LAMA2: variants seen among roughly 807,000 people sequenced by gnomAD.
The protein encoded by LAMA2 is laminin subunit alpha-2.
A neutral mutation model predicts 364.8 loss-of-function variants in LAMA2; 269 were observed. That is an observed-to-expected ratio of 0.74 (90% CI 0.67 to 0.82). LAMA2 has a LOEUF of 0.82. Among genes scored for constraint, LAMA2 ranks in the 40% least tolerant of loss-of-function variants. The pLI is 0.00. For synonymous variants in LAMA2, 1,379 were observed against 1,370.6 expected (o/e 1.01, Z -0.14); for missense variants, 3,807 against 3,873.2 (o/e 0.98, Z 0.45).
intron 31 of LAMA2, among the ~76,000 whole-genome samples, chr6:129,350,521 C>G (rs1006292206): frequency 1.3e-5 from 2 of 152,176 alleles, no homozygotes; most frequent in Non-Finnish European, 2.9e-5. Flanking sequence ...TCTTTGGCCC[C>G]TAAGTGGAAC....
At chr6:129,406,920 T>A (rs1469305036) in intron 40 of LAMA2, among the ~76,000 whole-genome samples, 1 of 152,166 alleles carries the variant, frequency 6.6e-6, no homozygotes, top group Non-Finnish European at 1.5e-5. Flanking sequence ...GCCTTCAGTC[T>A]GTGGTTAAAG....
At chr6:128,923,208 A>G (rs1170933019) in intron 1 of LAMA2, among the ~76,000 whole-genome samples, 1 of 150,142 alleles carries the variant, frequency 6.7e-6, no homozygotes, top group African/African-American at 2.5e-5. Flanking sequence ...TTTTGGTTCC[A>G]TATGAACTTT....
At chr6:129,194,068 G>T (rs989742347) in intron 12 of LAMA2, among the ~76,000 whole-genome samples, 2 of 152,014 alleles carry the variant, frequency 1.3e-5, no homozygotes, top group African/African-American at 4.8e-5. Context: ...ACTTTTATTT[G>T]CAAGGCCCTT....
At chr6:129,444,207 C>T (rs1225384058) in intron 44 of LAMA2, among the ~76,000 whole-genome samples, 1 of 152,128 alleles carries the variant, frequency 6.6e-6, no homozygotes, top group Non-Finnish European at 1.5e-5. Context: ...GAGGAACTTC[C>T]AAGTTCCATT....
intron 12 of LAMA2, among the ~76,000 whole-genome samples, chr6:129,237,110 T>C (rs975336260): frequency 1.3e-5 from 2 of 152,160 alleles, no homozygotes; most frequent in Non-Finnish European, 2.9e-5. Flanking sequence ...GTAACAGTTA[T>C]AAGATTCTTA....
intron 46 of LAMA2, among the ~76,000 whole-genome samples, chr6:129,453,629 T>G (rs1414862706): frequency 2.0e-5 from 3 of 152,144 alleles, no homozygotes; most frequent in Non-Finnish European, 4.4e-5. Flanking sequence ...CCCATAAAGT[T>G]CTAATTTCTT....
chr6:129,501,254 A>C (rs1332097073), intron 58 of LAMA2, among the ~76,000 whole-genome samples: 1 of 152,196 alleles, frequency 6.6e-6, no homozygotes, highest in African/African-American at 2.4e-5. Context: ...GTAATAAGAA[A>C]GGTGCCACAT....
At chr6:128,946,791 T>G (rs1385306224) in intron 1 of LAMA2, among the ~76,000 whole-genome samples, 1 of 152,230 alleles carries the variant, frequency 6.6e-6, no homozygotes, top group African/African-American at 2.4e-5. Flanking sequence ...ATTTCCATAT[T>G]TTAGTTCTAA....
At chr6:129,361,420 A>T (rs1777452300) in intron 32 of LAMA2, among the ~76,000 whole-genome samples, 1 of 152,246 alleles carries the variant, frequency 6.6e-6, no homozygotes, top group African/African-American at 2.4e-5. Context: ...AAAGTTTAGT[A>T]GCTTAAAACA....
At chr6:129,364,932 G>C (rs1250086983) in intron 32 of LAMA2, among the ~76,000 whole-genome samples, 2 of 152,184 alleles carry the variant, frequency 1.3e-5, no homozygotes, top group African/African-American at 2.4e-5. Context: ...GGAGGAAGTG[G>C]GGGCTGGAGG....
At chr6:128,921,208 T>A (rs1778690915) in intron 1 of LAMA2, among the ~76,000 whole-genome samples, 1 of 152,154 alleles carries the variant, frequency 6.6e-6, no homozygotes, top group African/African-American at 2.4e-5. Flanking sequence ...TAAGTTATGT[T>A]AAACAAAAAC....
At chr6:129,077,085 C>T (rs973949910) in intron 3 of LAMA2, among the ~76,000 whole-genome samples, 48 of 152,198 alleles carry the variant, frequency 3.2e-4, no homozygotes, top group African/African-American at 1.1e-3. Flanking sequence ...ATAATATTTA[C>T]TATTTCCATA....
intron 51 of LAMA2, among the ~76,000 whole-genome samples, chr6:129,467,171 C>A (rs181174653): frequency 6.6e-6 from 1 of 151,704 alleles, no homozygotes; most frequent in South Asian, 2.1e-4. Flanking sequence ...ACTATGCAGC[C>A]ATAAAAAAAG....
intron 3 of LAMA2, among the ~76,000 whole-genome samples, chr6:129,061,713 T>C (rs1788932173): frequency 6.6e-6 from 1 of 152,222 alleles, no homozygotes; most frequent in South Asian, 2.1e-4. Context: ...GATGAGTGAA[T>C]ATGCCAAGAC....
intron 1 of LAMA2, among the ~76,000 whole-genome samples, chr6:128,943,206 T>A (rs1353796589): frequency 3.3e-5 from 5 of 152,086 alleles, no homozygotes; most frequent in Non-Finnish European, 5.9e-5. Context: ...ACTGTCTCTC[T>A]GTTTGTATAT....
chr6:129,020,410 C>T (rs140237505), intron 1 of LAMA2, among the ~76,000 whole-genome samples: 8 of 152,228 alleles, frequency 5.3e-5, no homozygotes, highest in African/African-American at 1.7e-4. Flanking sequence ...GCACATGTAC[C>T]TGGAAGGCAA....
At position 129,417,645 on chromosome 6, in the gene LAMA2, T is replaced by C. The variant is rs145092205; in HGVS notation, c.5866-10107T>C. On this transcript the variant is annotated intron_variant, in intron 40 of 64. Coordinates refer to ENST00000421865, the MANE Select transcript of LAMA2 (RefSeq NM_000426.4). Reference sequence around the variant, plus strand: ...GCCTCCTGCCACCACCAACCTGCCATCCACGGCGCCCACTGGCACCCAGGC... The same window carrying C: ...GCCTCCTGCCACCACCAACCTGCCACCCACGGCGCCCACTGGCACCCAGGC... 2.8e-3 allele frequency among the ~76,000 whole-genome samples: 432 copies of C among 152,012 alleles called. 2 individuals carry two copies. Among genetic ancestry groups the C allele is most frequent in the African/African-American group, 8.6e-3 (358 of 41,444 alleles).
intron 22 of LAMA2, among the ~76,000 whole-genome samples, chr6:129,308,332 T>C (rs961056868): frequency 6.6e-6 from 1 of 152,206 alleles, no homozygotes; most frequent in African/African-American, 2.4e-5. Context: ...TCACTTGGAC[T>C]CAGGAGTAAG....
At chr6:129,395,387 G>C (rs929583391) in intron 37 of LAMA2, among the ~76,000 whole-genome samples, 16 of 152,040 alleles carry the variant, frequency 1.1e-4, no homozygotes, top group African/African-American at 3.9e-4. Context: ...TTCAGGAAAC[G>C]TGCTAGACAC....
Sources: allele counts gnomAD v4.1 joint callset (sites outside exome capture counted in the v4.1 genomes callset), GRCh38; gene constraint gnomAD v4.1.1; transcripts MANE v1.5; gene names NCBI Gene and HGNC (gene_info 2026-07-23, HGNC 2026-07-21).